The following CTNND2 variants were observed in gnomAD, a reference collection of about 807,000 sequenced individuals.
CTNND2 encodes the protein catenin delta-2.
CTNND2 carries 22 observed loss-of-function variants against 144.4 expected under a neutral mutation model. The observed-to-expected ratio is 0.15, with a 90% CI of 0.11 to 0.22. The LOEUF (loss-of-function observed/expected upper bound fraction) is 0.22, where lower values mean the gene tolerates loss of function less well. Ranked by LOEUF, CTNND2 falls within the 10% of genes least tolerant of loss-of-function variation. The pLI is 1.00. For synonymous variants in CTNND2, 751 were observed against 695.6 expected (o/e 1.08, Z -1.25); for missense variants, 1,353 against 1,618.8 (o/e 0.84, Z 2.82).
intron 3 of CTNND2, among the ~76,000 whole-genome samples, chr5:11,430,726 T>C: frequency 6.6e-6 from 1 of 152,224 alleles, no homozygotes; most frequent in East Asian, 1.9e-4. Flanking sequence ...CCACCAACAT[T>C]ATTCCTTTTG....
chr5:11,325,217 T>G (rs1752416048), intron 9 of CTNND2, among the ~76,000 whole-genome samples: 1 of 152,048 alleles, frequency 6.6e-6, no homozygotes, highest in Admixed American at 6.6e-5. Context: ...ATTTCCATGG[T>G]TTTTCCCTTT....
intron 2 of CTNND2, among the ~76,000 whole-genome samples, chr5:11,676,499 A>G: frequency 6.6e-6 from 1 of 152,016 alleles, no homozygotes; most frequent in African/African-American, 2.4e-5. Context: ...AGAGATGAGC[A>G]TTTATGAGTG....
chr5:11,778,315 AG>A (rs893813309), intron 1 of CTNND2, among the ~76,000 whole-genome samples: 11 of 151,988 alleles, frequency 7.2e-5, no homozygotes, highest in Non-Finnish European at 1.0e-4. Context: ...TGGGCGGGGC[AG>A]GGGGGCAGTG....
chr5:11,892,222 T>C (rs958292629), intron 1 of CTNND2, among the ~76,000 whole-genome samples: 1 of 152,236 alleles, frequency 6.6e-6, no homozygotes, highest in Non-Finnish European at 1.5e-5. Flanking sequence ...GATGGTGAAC[T>C]TTTCCACATG....
intron 16 of CTNND2, among the ~76,000 whole-genome samples, chr5:11,047,585 G>A (rs1039749278): frequency 6.6e-6 from 1 of 152,134 alleles, no homozygotes; most frequent in African/African-American, 2.4e-5. Context: ...TTATCAGCAG[G>A]TCAATAAAAA....
intron 3 of CTNND2, among the ~76,000 whole-genome samples, chr5:11,419,039 TATAG>T (rs1762140922): frequency 1.5e-5 from 2 of 137,698 alleles, no homozygotes; most frequent in East Asian, 2.1e-4. Context: ...TATATAGATA[TATAG>T]ATAGACATCT....
intron 16 of CTNND2, among the ~76,000 whole-genome samples, chr5:11,036,128 AT>A (rs72380877): frequency 1.0e-4 from 15 of 150,088 alleles, no homozygotes; most frequent in African/African-American, 1.7e-4. Flanking sequence ...TATCGTGTTA[AT>A]TTTTTTTTTG....
intron 21 of CTNND2, among the ~76,000 whole-genome samples, chr5:10,981,053 A>T (rs551338948): frequency 6.2e-4 from 94 of 151,998 alleles, no homozygotes; most frequent in African/African-American, 1.8e-3. Flanking sequence ...AATAAAAATA[A>T]AATAATAATA....
intron 3 of CTNND2, among the ~76,000 whole-genome samples, chr5:11,549,153 T>C (rs1358247976): frequency 6.6e-6 from 1 of 152,204 alleles, no homozygotes; most frequent in East Asian, 1.9e-4. Flanking sequence ...TAGGAAAGTA[T>C]TTTTAACCAG....
At chr5:11,522,488 A>G (rs75325435) in intron 3 of CTNND2, among the ~76,000 whole-genome samples, 2 of 152,190 alleles carry the variant, frequency 1.3e-5, no homozygotes, top group East Asian at 3.9e-4. Context: ...CGCAGACTAC[A>G]ATCAACTCTA....
At chr5:11,323,235 G>T (rs1020542497) in intron 9 of CTNND2, among the ~76,000 whole-genome samples, 2 of 147,016 alleles carry the variant, frequency 1.4e-5, no homozygotes, top group African/African-American at 4.9e-5. Flanking sequence ...AGAGATTGGG[G>T]GGGGGGGTCT....
intron 2 of CTNND2, among the ~76,000 whole-genome samples, chr5:11,724,569 G>A (rs898542344): frequency 6.6e-6 from 1 of 152,170 alleles, no homozygotes; most frequent in African/African-American, 2.4e-5. Flanking sequence ...TGTTGTGGAG[G>A]TGGTGGGCAT....
At chr5:11,477,508 C>G (rs966234930) in intron 3 of CTNND2, among the ~76,000 whole-genome samples, 1 of 151,850 alleles carries the variant, frequency 6.6e-6, no homozygotes, top group Non-Finnish European at 1.5e-5. Context: ...AACTCCTGGG[C>G]TCAAGTGATC....
intron 14 of CTNND2, among the ~76,000 whole-genome samples, chr5:11,108,972 C>T (rs775141151): frequency 5.9e-5 from 9 of 152,190 alleles, no homozygotes; most frequent in Middle Eastern, 3.2e-3. Flanking sequence ...CCCCAATCTT[C>T]GGATTCCCTC....
At chr5:11,871,015 AG>A (rs989584923) in intron 1 of CTNND2, among the ~76,000 whole-genome samples, 5 of 152,320 alleles carry the variant, frequency 3.3e-5, no homozygotes, top group African/African-American at 1.2e-4. Context: ...AATTAGGTTT[AG>A]GTAAGGTCAT....
intron 2 of CTNND2, among the ~76,000 whole-genome samples, chr5:11,698,260 A>G (rs1020290983): frequency 5.3e-5 from 8 of 149,888 alleles, no homozygotes; most frequent in African/African-American, 2.0e-4. Flanking sequence ...AAATAATTGT[A>G]TTTCTTGTAT....
intron 9 of CTNND2, among the ~76,000 whole-genome samples, chr5:11,276,380 T>C (rs1746526130): frequency 6.6e-6 from 1 of 152,154 alleles, no homozygotes; most frequent in Non-Finnish European, 1.5e-5. Context: ...CTTGAAGCAC[T>C]CTCTTCTGAA....
At chr5:11,504,623 A>G (rs1438699624) in intron 3 of CTNND2, among the ~76,000 whole-genome samples, 1 of 152,140 alleles carries the variant, frequency 6.6e-6, no homozygotes, top group Non-Finnish European at 1.5e-5. Context: ...GGCATGGAAA[A>G]GTCTTCCTGG....
chr5:11,101,488 A>G (rs1359060490), intron 14 of CTNND2, among the ~76,000 whole-genome samples: 1 of 152,236 alleles, frequency 6.6e-6, no homozygotes. Context: ...TCTTGCACCA[A>G]AGTAGAAATA....
Sources: allele counts gnomAD v4.1 joint callset (sites outside exome capture counted in the v4.1 genomes callset), GRCh38; gene constraint gnomAD v4.1.1; transcripts MANE v1.5; gene names NCBI Gene and HGNC (gene_info 2026-07-23, HGNC 2026-07-21).